ZNF773: variants seen among roughly 807,000 people sequenced by gnomAD.
ZNF773 encodes zinc finger protein 773.
A neutral mutation model predicts 12.8 loss-of-function variants in ZNF773; 11 were observed. The ratio of observed to expected loss-of-function variants is 0.86; its 90% CI spans 0.54 to 1.42. ZNF773 has a LOEUF of 1.42. Ranked by LOEUF, ZNF773 falls within the 40% of genes most tolerant of loss-of-function variation. The probability of loss-of-function intolerance (pLI) is 0.00; values close to 1 mark genes in which losing one functional copy is unlikely to be tolerated. For missense variants in ZNF773, 518 were observed against 527.2 expected (o/e 0.98, Z 0.17); for synonymous variants, 175 against 178.4 (o/e 0.98, Z 0.15).
At chr19:57,504,875 G>C in intron 2 of ZNF773, 89 bp downstream of exon 2, 1 of 1,518,218 alleles carries the variant, frequency 6.6e-7, no homozygotes, top group Non-Finnish European at 9.1e-7. Context: ...TCCCAAAGCT[G>C]AACTGTGGGC....
chr19:57,506,050 C>T (rs1374376537), intron 3 of ZNF773, among the ~76,000 whole-genome samples: 2 of 152,120 alleles, frequency 1.3e-5, no homozygotes, highest in African/African-American at 4.8e-5. Flanking sequence ...CCTTCTGTGC[C>T]GTGTTCCTGT....
At chr19:57,516,235 A>C (rs7507741), downstream of ZNF773, 32,550 of 155,596 alleles carry the variant, frequency 0.21, 3,584 homozygotes, top group African/African-American at 0.25. Flanking sequence ...ACCCCCATAA[A>C]ATGGGGACAG....
chr19:57,505,599 TG>T (rs1473298863), intron 3 of ZNF773, among the ~76,000 whole-genome samples, 199 bp downstream of exon 3: 3 of 152,240 alleles, frequency 2.0e-5, no homozygotes, highest in African/African-American at 7.2e-5. Flanking sequence ...CTGTACTCCA[TG>T]TTTCACCCCA....
At chr19:57,502,838 C>G (rs1447342407) in intron 1 of ZNF773, among the ~76,000 whole-genome samples, 1 of 152,018 alleles carries the variant, frequency 6.6e-6, no homozygotes, top group Non-Finnish European at 1.5e-5. Context: ...CTACAGGCAC[C>G]TGCCACCACG....
chr19:57,500,128 C>G lies in ZNF773; in HGVS notation c.33+15C>G, dbSNP rs1245624069. 1 of 1,601,334 alleles carries G rather than the reference C, an allele frequency of 6.2e-7. No individual in the cohort carries two copies. On this transcript the variant is annotated intron_variant, in intron 1 of 3. Transcript: ENST00000282292. The stretch of plus-strand genomic sequence containing the variant: ...ACCCCGCTCAGGTGAGCGCCGCGTC[C>G]TCCCGGCCTCCCCCGAATCCTAAAG...
rs1203779504 is a variant in ZNF773 at position 57,507,537 on chromosome 19, C to T, written c.*113C>T. On this transcript the variant is annotated 3_prime_UTR_variant, in exon 4 of 4. Coordinates refer to ENST00000282292, the MANE Select transcript of ZNF773 (RefSeq NM_198542.3). Reference sequence around the variant, plus strand: ...AATCCATTAGCTATACCTCCAAACTCATTCAACACTGGACAGTTCACAGAG... The same window carrying T: ...AATCCATTAGCTATACCTCCAAACTTATTCAACACTGGACAGTTCACAGAG... The T allele has an allele frequency of 2.7e-6, 4 of 1,465,992 alleles. No homozygotes were observed. The highest frequency in any genetic ancestry group is 3.6e-6 in the Non-Finnish European group (4 of 1,115,380). The allele number at this position is 1,465,992 out of a possible 1,614,324, so 90.8% of individuals were successfully genotyped here.
At chr19:57,501,378 G>A (rs1230795047) in intron 1 of ZNF773, among the ~76,000 whole-genome samples, 1 of 150,680 alleles carries the variant, frequency 6.6e-6, no homozygotes, top group Non-Finnish European at 1.5e-5. Context: ...ACTGCACCCA[G>A]GCAGAAACCC....
At chr19:57,510,882 A>G (rs1207236910), downstream of ZNF773, among the ~76,000 whole-genome samples, 1 of 148,694 alleles carries the variant, frequency 6.7e-6, no homozygotes, top group East Asian at 1.9e-4. Flanking sequence ...CTGAGATTTA[A>G]TATTTTTAAG....
In ZNF773 at chr19:57,507,495, T is replaced by C; in HGVS notation, c.*71T>C. The C allele has an allele frequency of 2.0e-6, 3 of 1,517,032 alleles. No individual in the cohort carries two copies. Among genetic ancestry groups the C allele is most frequent in the South Asian group, 1.4e-5 (1 of 73,448 alleles). The allele number at this position is 1,517,032 out of a possible 1,614,324, so 94.0% of individuals were successfully genotyped here. On this transcript the variant is annotated 3_prime_UTR_variant, in exon 4 of 4. Coordinates refer to ENST00000282292, the MANE Select transcript of ZNF773 (RefSeq NM_198542.3). ...GAAAGTTCACAGTGTAAAAAAGTCT[T>C]GAAGGTTACTAATGGAAATCCATTA...
downstream of ZNF773, chr19:57,513,373 G>C (rs1327695771): frequency 8.1e-6 from 2 of 248,238 alleles, no homozygotes; most frequent in East Asian, 1.4e-4. Context: ...GTGGAAAACT[G>C]GGGTGAAGAT....
downstream of ZNF773, among the ~76,000 whole-genome samples, chr19:57,511,429 A>C (rs73054521): frequency 0.21 from 31,455 of 152,126 alleles, 3,377 homozygotes; most frequent in African/African-American, 0.25. Context: ...TGAGAGAGTA[A>C]AGTATTAGCT....
At chr19:57,516,688 G>A (rs2089834140), downstream of ZNF773, 1 of 152,146 alleles carries the variant, frequency 6.6e-6, no homozygotes, top group Non-Finnish European at 1.5e-5. Context: ...AATCACTCCT[G>A]GCCCCATCAC....
At chr19:57,505,426 G>A in intron 3 of ZNF773, 26 bp downstream of exon 3, 1 of 1,613,250 alleles carries the variant, frequency 6.2e-7, no homozygotes, top group East Asian at 2.2e-5. Flanking sequence ...AGCTCAGGGA[G>A]GTATGAACTC....
In ZNF773 at chr19:57,504,799, C is replaced by T; in HGVS notation, c.163+13C>T. 6.2e-7 allele frequency: 1 copy of T among 1,611,106 alleles called. No homozygotes were observed. Among genetic ancestry groups the T allele is most frequent in the East Asian group, 2.2e-5 (1 of 44,688 alleles). ...CTGGCCTCTCTGGGTAAGGTTCTCA[C>T]ACCCCACCCCAGCATCCTGAGCTGG... On this transcript the variant is annotated intron_variant, in intron 2 of 3. Transcript: ENST00000282292.
chr19:57,503,424 G>T (rs187025213), intron 1 of ZNF773, among the ~76,000 whole-genome samples: 35 of 152,242 alleles, frequency 2.3e-4, no homozygotes, highest in African/African-American at 8.2e-4. Context: ...GGTAAGGAGG[G>T]TCTGACTAGT....
chr19:57,507,540 T>G lies in ZNF773; in HGVS notation c.*116T>G. 6.8e-7 allele frequency: 1 copy of G among 1,464,136 alleles called. No individual in the cohort carries two copies. Among genetic ancestry groups the G allele is most frequent in the Non-Finnish European group, 9.0e-7 (1 of 1,114,590 alleles). The allele number at this position is 1,464,136 out of a possible 1,614,324, so 90.7% of individuals were successfully genotyped here. ...CCATTAGCTATACCTCCAAACTCAT[T>G]CAACACTGGACAGTTCACAGAGTGG... On this transcript the variant is annotated 3_prime_UTR_variant, in exon 4 of 4. Transcript: ENST00000282292.
At position 57,508,035 on chromosome 19, in the gene ZNF773, G is replaced by T. The variant is rs1314301463; in HGVS notation, c.*611G>T. On this transcript the variant is annotated 3_prime_UTR_variant, in exon 4 of 4. Coordinates refer to ENST00000282292, the MANE Select transcript of ZNF773 (RefSeq NM_198542.3). Reference sequence around the variant, plus strand: ...AGGCAACTGTAGTCCCAGCTACTTGGGGGGCTGAGGCAGGAGATTTGCTTG... The same window carrying T: ...AGGCAACTGTAGTCCCAGCTACTTGTGGGGCTGAGGCAGGAGATTTGCTTG... 1 of 323,408 alleles carries T rather than the reference G, an allele frequency of 3.1e-6. No individual in the cohort carries two copies. Among genetic ancestry groups the T allele is most frequent in the South Asian group, 1.2e-4 (1 of 8,372 alleles). 20.0% of individuals were successfully genotyped at this position (323,408 alleles called of 1,614,324 possible).
chr19:57,518,154 A>G (rs973736965), exon 5 of ZNF773: 1 of 153,040 alleles, frequency 6.5e-6, no homozygotes, highest in Admixed American at 6.5e-5. Flanking sequence ...AACTGTTCTC[A>G]TGAATGCAGG....
downstream of ZNF773, chr19:57,508,519 G>T: frequency 1.4e-6 from 1 of 700,700 alleles, no homozygotes; most frequent in African/African-American, 1.7e-5. Context: ...ATTTTCACCA[G>T]TTTGGCTGCG....
Sources: allele counts gnomAD v4.1 joint callset (sites outside exome capture counted in the v4.1 genomes callset), GRCh38; gene constraint gnomAD v4.1.1; transcripts MANE v1.5; gene names NCBI Gene and HGNC (gene_info 2026-07-23, HGNC 2026-07-21).